Variants in CDK17 observed in about 807,000 individuals in gnomAD.
The protein encoded by CDK17 is cyclin dependent kinase 17, also known as cyclin-dependent kinase 17.
A neutral mutation model predicts 77.6 loss-of-function variants in CDK17; 24 were observed. That is an observed-to-expected ratio of 0.31 (90% CI 0.22 to 0.44). The LOEUF (loss-of-function observed/expected upper bound fraction) is 0.44. Among genes scored for constraint, CDK17 ranks in the 20% least tolerant of loss-of-function variants. The pLI is 1.00. For synonymous variants in CDK17, 203 were observed against 210.4 expected (o/e 0.96, Z 0.30); for missense variants, 429 against 622.5 (o/e 0.69, Z 3.31).
intron 1 of CDK17, among the ~76,000 whole-genome samples, chr12:96,394,025 A>C (rs1413990002): frequency 6.6e-6 from 1 of 152,094 alleles, no homozygotes; most frequent in African/African-American, 2.4e-5. Context: ...AGGCAGGCAG[A>C]TCATGAGGTC....
At chr12:96,282,994 T>G (rs1952196268) in intron 14 of CDK17, among the ~76,000 whole-genome samples, 1 of 152,214 alleles carries the variant, frequency 6.6e-6, no homozygotes, top group South Asian at 2.1e-4. Context: ...TTTCCCTTTT[T>G]TTTTTGATGA....
At chr12:96,331,971 A>C (rs1417858822) in intron 2 of CDK17, among the ~76,000 whole-genome samples, 1 of 152,200 alleles carries the variant, frequency 6.6e-6, no homozygotes, top group Admixed American at 6.5e-5. Flanking sequence ...CATATACAAC[A>C]GTGGTCTCAT....
chr12:96,350,802 T>C (rs1313144204), intron 1 of CDK17, among the ~76,000 whole-genome samples: 1 of 152,134 alleles, frequency 6.6e-6, no homozygotes, highest in Non-Finnish European at 1.5e-5. Flanking sequence ...GATTTCACAA[T>C]GATTTCTTAA....
rs183888614 is a variant in CDK17, at chr12:96,363,139, T to G, written c.-29-28274A>C. ...GTTACGAAAGTAAGAAAACAAGTCA[T>G]CAATTAGCATTTTAAAATTAGAACC... On this transcript the variant is annotated intron_variant, in intron 1 of 16. Transcript: ENST00000261211. Among the ~76,000 whole-genome samples, 350 of 152,126 alleles carry G rather than the reference T, an allele frequency of 2.3e-3. 1 individual carries two copies. The highest frequency in any genetic ancestry group is 8.1e-3 in the African/African-American group (337 of 41,524).
intron 1 of CDK17, among the ~76,000 whole-genome samples, chr12:96,372,312 C>T (rs908151413): frequency 3.3e-5 from 5 of 152,036 alleles, no homozygotes; most frequent in Non-Finnish European, 7.4e-5. Flanking sequence ...TCTTATATGG[C>T]CAGTTAATTT....
chr12:96,340,039 C>T (rs976701062), intron 1 of CDK17, among the ~76,000 whole-genome samples: 2 of 151,800 alleles, frequency 1.3e-5, no homozygotes, highest in African/African-American at 4.8e-5. Flanking sequence ...AATATGCCTA[C>T]AAAAATCTTA....
At chr12:96,319,075 G>A (rs1300390697) in intron 3 of CDK17, among the ~76,000 whole-genome samples, 1 of 143,874 alleles carries the variant, frequency 7.0e-6, no homozygotes, top group Non-Finnish European at 1.5e-5. Context: ...GAAAAAAAGA[G>A]AGAAGAATCA....
chr12:96,394,798 CAA>C (rs370507826), intron 1 of CDK17, among the ~76,000 whole-genome samples: 25 of 85,446 alleles, frequency 2.9e-4, no homozygotes, highest in Non-Finnish European at 4.4e-4. Flanking sequence ...GACTCCGTCT[CAA>C]AAAAAAAAAA....
intron 1 of CDK17, among the ~76,000 whole-genome samples, chr12:96,353,745 C>T (rs368760557): frequency 6.6e-6 from 1 of 151,976 alleles, no homozygotes; most frequent in Admixed American, 6.6e-5. Flanking sequence ...TTTCAATTAA[C>T]CTATCTTAGC....
chr12:96,331,442 G>C (rs1952965547), intron 2 of CDK17, among the ~76,000 whole-genome samples: 1 of 151,726 alleles, frequency 6.6e-6, no homozygotes, highest in Admixed American at 6.6e-5. Flanking sequence ...ATCCTTAAAT[G>C]AACCAAATTT....
At chr12:96,311,301 T>G in intron 4 of CDK17, 124 bp from the exon 5 acceptor site, 1 of 712,024 alleles carries the variant, frequency 1.4e-6, no homozygotes, top group Non-Finnish European at 2.1e-6. Context: ...AGTTGCAAAG[T>G]TACCTACATT....
chr12:96,347,251 C>G (rs769325717), intron 1 of CDK17, among the ~76,000 whole-genome samples: 1 of 151,920 alleles, frequency 6.6e-6, no homozygotes, highest in South Asian at 2.1e-4. Context: ...GACAGAAGAA[C>G]CAGACAGATT....
intron 1 of CDK17, among the ~76,000 whole-genome samples, chr12:96,345,885 A>G (rs974010522): frequency 1.3e-5 from 2 of 152,256 alleles, no homozygotes; most frequent in African/African-American, 4.8e-5. Flanking sequence ...GGAGTTAGAA[A>G]CAAATAAGAC....
At chr12:96,312,643 C>CT (rs1952658857) in intron 4 of CDK17, among the ~76,000 whole-genome samples, 1 of 152,034 alleles carries the variant, frequency 6.6e-6, no homozygotes, top group African/African-American at 2.4e-5. Flanking sequence ...AGCAACAATA[C>CT]TTTCATTTCA....
chr12:96,398,606 A>C (rs1954209386), intron 1 of CDK17, among the ~76,000 whole-genome samples: 1 of 152,240 alleles, frequency 6.6e-6, no homozygotes, highest in Non-Finnish European at 1.5e-5. Flanking sequence ...TCTCACACGA[A>C]CGCCTTTTAA....
intron 2 of CDK17, among the ~76,000 whole-genome samples, chr12:96,326,077 T>A (rs1365808234): frequency 2.6e-5 from 4 of 152,334 alleles, no homozygotes; most frequent in Non-Finnish European, 5.9e-5. Context: ...TTATTTCACA[T>A]GTGAAATATC....
chr12:96,365,706 T>A (rs1953573634), intron 1 of CDK17, among the ~76,000 whole-genome samples: 1 of 152,228 alleles, frequency 6.6e-6, no homozygotes, highest in African/African-American at 2.4e-5. Flanking sequence ...TATTTCCTAA[T>A]GAGGTCAACT....
chr12:96,339,678 C>T (rs1179853425), intron 1 of CDK17, among the ~76,000 whole-genome samples: 1 of 151,884 alleles, frequency 6.6e-6, no homozygotes, highest in African/African-American at 2.4e-5. Context: ...GCCTGTAATC[C>T]CAGCACTTTG....
intron 5 of CDK17, among the ~76,000 whole-genome samples, chr12:96,307,349 A>G (rs542146822): frequency 6.6e-6 from 1 of 152,248 alleles, no homozygotes; most frequent in South Asian, 2.1e-4. Context: ...TAAAAACTTT[A>G]ATCACTTAGC....
Sources: allele counts gnomAD v4.1 joint callset (sites outside exome capture counted in the v4.1 genomes callset), GRCh38; gene constraint gnomAD v4.1.1; transcripts MANE v1.5; gene names NCBI Gene and HGNC (gene_info 2026-07-23, HGNC 2026-07-21).